Variants in DCC observed in about 807,000 individuals in gnomAD.
DCC encodes the protein DCC netrin 1 receptor, also known as netrin receptor DCC.
In DCC, 58 loss-of-function variants were observed where a neutral mutation model predicts 172.5. That is an observed-to-expected ratio of 0.34 (90% CI 0.27 to 0.42). The LOEUF (loss-of-function observed/expected upper bound fraction) is 0.42, where lower values mean the gene tolerates loss of function less well. Ranked by LOEUF, DCC falls within the 10% of genes least tolerant of loss-of-function variation. The pLI is 1.00. For missense variants in DCC, 1,740 were observed against 1,791.0 expected, an observed-to-expected ratio of 0.97 and a Z score of 0.51; for synonymous variants, 709 against 644.5, an observed-to-expected ratio of 1.10 and a Z score of -1.52.
chr18:52,397,612 T>C (rs1251973039), intron 1 of DCC, among the ~76,000 whole-genome samples: 3 of 152,010 alleles, frequency 2.0e-5, no homozygotes, highest in Non-Finnish European at 4.4e-5. Context: ...TATATCAATT[T>C]CCTTGGGGAT....
chr18:53,113,771 C>G (rs920117833), intron 7 of DCC, among the ~76,000 whole-genome samples: 1 of 150,872 alleles, frequency 6.6e-6, no homozygotes, highest in Non-Finnish European at 1.5e-5. Flanking sequence ...ATGGTAAATC[C>G]CAGGTGTTAA....
chr18:53,071,227 C>G (rs575197432), intron 7 of DCC, among the ~76,000 whole-genome samples: 13 of 152,322 alleles, frequency 8.5e-5, no homozygotes, highest in African/African-American at 3.1e-4. Context: ...CCTATTCCCT[C>G]TTTAGCAGTT....
intron 2 of DCC, among the ~76,000 whole-genome samples, chr18:52,803,106 T>G (rs565771935): frequency 6.6e-6 from 1 of 152,328 alleles, no homozygotes; most frequent in South Asian, 2.1e-4. Context: ...AATTCGGCCT[T>G]TTCTTGTAAT....
intron 2 of DCC, among the ~76,000 whole-genome samples, chr18:52,901,959 G>C (rs190988614): frequency 1.6e-4 from 25 of 152,256 alleles, no homozygotes; most frequent in African/African-American, 4.8e-4. Flanking sequence ...TTAAAAGGTG[G>C]AGTGATGATT....
chr18:53,530,140 C>T (rs2046509855), intron 28 of DCC, among the ~76,000 whole-genome samples: 1 of 152,102 alleles, frequency 6.6e-6, no homozygotes, highest in South Asian at 2.1e-4. Flanking sequence ...TGAATATCTA[C>T]CATATGCCAG....
At chr18:53,136,222 C>T (rs78774533) in intron 7 of DCC, among the ~76,000 whole-genome samples, 25,282 of 105,960 alleles carry the variant, frequency 0.24, 2,674 homozygotes, top group African/African-American at 0.35. Context: ...TATATATATA[C>T]ACACACACAC....
At chr18:52,930,336 G>A (rs1022123273) in intron 5 of DCC, among the ~76,000 whole-genome samples, 13 of 152,064 alleles carry the variant, frequency 8.5e-5, no homozygotes, top group African/African-American at 2.9e-4. Context: ...GCTTGCACCT[G>A]TAGTCCCAGC....
chr18:53,390,361 A>G (rs1461455923), intron 16 of DCC, among the ~76,000 whole-genome samples: 1 of 152,112 alleles, frequency 6.6e-6, no homozygotes, highest in Non-Finnish European at 1.5e-5. Context: ...AGAGTGATGA[A>G]TAGGGGATAG....
chr18:53,508,095 G>A (rs549751085), intron 27 of DCC, among the ~76,000 whole-genome samples: 18 of 151,444 alleles, frequency 1.2e-4, no homozygotes, highest in Admixed American at 2.0e-4. Flanking sequence ...GGGTTTCACC[G>A]TGTTAGCCAG....
intron 13 of DCC, among the ~76,000 whole-genome samples, chr18:53,307,001 G>A (rs1278298968): frequency 6.6e-6 from 1 of 152,176 alleles, no homozygotes; most frequent in Non-Finnish European, 1.5e-5. Context: ...CTCTACGCCA[G>A]ATACTCAGCG....
At chr18:52,701,516 T>G (rs73455732) in intron 1 of DCC, among the ~76,000 whole-genome samples, 9,098 of 152,268 alleles carry the variant, frequency 0.06, 890 homozygotes, top group African/African-American at 0.21. Flanking sequence ...AAACATATTT[T>G]TCCTCTTCAC....
intron 7 of DCC, among the ~76,000 whole-genome samples, chr18:53,090,475 C>T (rs917886415): frequency 6.6e-6 from 1 of 151,410 alleles, no homozygotes; most frequent in African/African-American, 2.4e-5. Flanking sequence ...GGGCGGATCA[C>T]GAGGTCAGGA....
chr18:53,099,270 A>T (rs2043129153), intron 7 of DCC, among the ~76,000 whole-genome samples: 1 of 151,994 alleles, frequency 6.6e-6, no homozygotes, highest in Non-Finnish European at 1.5e-5. Flanking sequence ...ATTCATGTGG[A>T]CTCATGATCT....
intron 27 of DCC, among the ~76,000 whole-genome samples, chr18:53,514,051 C>T (rs201363157): frequency 1.3e-5 from 2 of 152,022 alleles, no homozygotes; most frequent in African/African-American, 4.8e-5. Context: ...TGACCACATA[C>T]TTGGAAGTAA....
At chr18:52,354,464 T>C (rs200581603) in intron 1 of DCC, among the ~76,000 whole-genome samples, 2 of 152,204 alleles carry the variant, frequency 1.3e-5, no homozygotes, top group Non-Finnish European at 2.9e-5. Context: ...TCTAATCTTG[T>C]GGCAAAGTCT....
intron 14 of DCC, among the ~76,000 whole-genome samples, chr18:53,333,422 T>C (rs2057554489): frequency 1.3e-5 from 2 of 152,158 alleles, no homozygotes; most frequent in South Asian, 4.1e-4. Flanking sequence ...GGAGGACAAA[T>C]GTGTGAATAT....
In DCC at chr18:52,994,517, A is replaced by G. The variant is rs777693778; in HGVS notation, c.986-68788A>G. ...GGTGGGATATGAACGTACGATTCTC[A>G]TACTTCAGTGAGTCAGTGTGTTATG... On this transcript the variant is annotated intron_variant, in intron 5 of 28. Coordinates refer to ENST00000442544, the MANE Select transcript of DCC (RefSeq NM_005215.4). Among the ~76,000 whole-genome samples, 15 of 152,298 alleles carry G rather than the reference A, an allele frequency of 9.8e-5. No individual in the cohort carries two copies. The Middle Eastern group carries it at 0.014, about 138-fold the overall frequency.
At chr18:52,710,626 A>C (rs539895003) in intron 1 of DCC, among the ~76,000 whole-genome samples, 1 of 152,174 alleles carries the variant, frequency 6.6e-6, no homozygotes, top group Non-Finnish European at 1.5e-5. Flanking sequence ...ATTTTTAAAC[A>C]TTTCTTCATA....
At chr18:52,784,798 C>T (rs28762705) in intron 2 of DCC, among the ~76,000 whole-genome samples, 8,023 of 151,778 alleles carry the variant, frequency 0.053, 287 homozygotes, top group South Asian at 0.16. Context: ...TGGGGTTCAT[C>T]GTCTCATGCT....
Sources: allele counts gnomAD v4.1 joint callset (sites outside exome capture counted in the v4.1 genomes callset), GRCh38; gene constraint gnomAD v4.1.1; transcripts MANE v1.5; gene names NCBI Gene and HGNC (gene_info 2026-07-23, HGNC 2026-07-21).